Variants in KAT6B observed in about 807,000 individuals in gnomAD.
The protein encoded by KAT6B is histone acetyltransferase KAT6B.
KAT6B carries 10 observed loss-of-function variants against 187.5 expected under a neutral mutation model. The ratio of observed to expected loss-of-function variants is 0.05; its 90% CI spans 0.03 to 0.09. The LOEUF is 0.09. Ranked by LOEUF, KAT6B falls within the 10% of genes least tolerant of loss-of-function variation. KAT6B has a pLI of 1.00. For missense variants in KAT6B, 1,952 were observed against 2,558.9 expected (o/e 0.76, Z 5.12); for synonymous variants, 861 against 926.8 (o/e 0.93, Z 1.29).
At chr10:74,927,356 C>T (rs899961748) in intron 3 of KAT6B, among the ~76,000 whole-genome samples, 2 of 151,752 alleles carry the variant, frequency 1.3e-5, no homozygotes, top group East Asian at 1.9e-4. Flanking sequence ...AAGAACCTCT[C>T]GGGAGAGCCT....
intron 3 of KAT6B, among the ~76,000 whole-genome samples, chr10:74,895,333 A>G (rs1845913466): frequency 6.6e-6 from 1 of 151,168 alleles, no homozygotes; most frequent in Non-Finnish European, 1.5e-5. Flanking sequence ...CCCATTCATA[A>G]GTTGCCTTTT....
At chr10:74,947,346 A>G (rs1840022309) in intron 3 of KAT6B, among the ~76,000 whole-genome samples, 1 of 152,236 alleles carries the variant, frequency 6.6e-6, no homozygotes, top group African/African-American at 2.4e-5. Context: ...GAAGATGTGA[A>G]GGTTCTAAAT....
At chr10:74,980,194 T>A (rs1842421468) in intron 10 of KAT6B, among the ~76,000 whole-genome samples, 2 of 152,102 alleles carry the variant, frequency 1.3e-5, no homozygotes, top group Admixed American at 6.6e-5. Context: ...AATAATGGTA[T>A]CCAAGTTTTT....
chr10:74,915,167 G>A lies in KAT6B; in HGVS notation c.622-44803G>A, dbSNP rs528013882. Among the ~76,000 whole-genome samples the A allele has an allele frequency of 2.8e-4, 43 of 152,116 alleles. No homozygotes were observed. In the Middle Eastern group the frequency reaches 0.01, roughly 36 times the overall value. On this transcript the variant is annotated intron_variant, in intron 3 of 17. Coordinates refer to ENST00000287239, the MANE Select transcript of KAT6B (RefSeq NM_012330.4). ...AAAATATATGTTTCTTCATAGTGAT[G>A]ATAATCATAATGATACATTATTACT... is the stretch of plus-strand genomic sequence containing the variant.
intron 1 of KAT6B, among the ~76,000 whole-genome samples, chr10:74,827,758 G>A (rs936736840): frequency 6.6e-6 from 1 of 152,140 alleles, no homozygotes; most frequent in Non-Finnish European, 1.5e-5. Context: ...GGTGGACTGT[G>A]CCAGGGGTGA....
intron 3 of KAT6B, among the ~76,000 whole-genome samples, chr10:74,865,040 G>A (rs1843458349): frequency 6.6e-6 from 1 of 152,182 alleles, no homozygotes; most frequent in African/African-American, 2.4e-5. Context: ...CAGAAAGAAA[G>A]TGTCACACAA....
At chr10:74,848,033 C>G (rs551407867) in intron 3 of KAT6B, among the ~76,000 whole-genome samples, 1 of 151,816 alleles carries the variant, frequency 6.6e-6, no homozygotes, top group Non-Finnish European at 1.5e-5. Flanking sequence ...ACTCTTCTGC[C>G]TCAGCCTCCC....
intron 9 of KAT6B, 67 bp from the exon 10 acceptor site, chr10:74,979,157 T>G: frequency 9.2e-7 from 1 of 1,081,948 alleles, no homozygotes; most frequent in Non-Finnish European, 1.4e-6. Flanking sequence ...TGATAGTCAC[T>G]GGTGAAAGAA....
intron 1 of KAT6B, among the ~76,000 whole-genome samples, chr10:74,828,866 C>T (rs1840505371): frequency 6.6e-6 from 1 of 152,020 alleles, no homozygotes; most frequent in South Asian, 2.1e-4. Flanking sequence ...CGCGCCCGGC[C>T]ATTCATAAGT....
intron 3 of KAT6B, among the ~76,000 whole-genome samples, chr10:74,899,248 A>AATTATT (rs67324777): frequency 0.31 from 43,633 of 142,048 alleles, 7,882 homozygotes; most frequent in Non-Finnish European, 0.41. Context: ...ATTCTAAATG[A>AATTATT]ATTATTATTA....
chr10:75,004,785 T>C (rs1844089277), intron 13 of KAT6B, among the ~76,000 whole-genome samples: 1 of 152,136 alleles, frequency 6.6e-6, no homozygotes, highest in African/African-American at 2.4e-5. Flanking sequence ...CACTGCAGCA[T>C]TGAATTCCTG....
rs1381894692 is a variant in KAT6B at position 75,029,882 on chromosome 10, C to T, written c.5058C>T (p.Tyr1686=). ...TTENYENPSS[Y]DSTMGGSICG... is the part of the protein sequence containing the mutation. ...AGAACTACGAAAACCCAAGCAGCTA[C>T]GATTCTACTATGGGAGGCAGCATCT... Residue 1686 remains tyrosine (Y), a synonymous_variant, in exon 18 of 18, where the codon TAC becomes TAT. Coordinates refer to ENST00000287239, the MANE Select transcript of KAT6B (RefSeq NM_012330.4). This position sits in a 1 kb window ranked among gnomAD's most constrained non-coding sequence, Gnocchi z 6.2. 3.1e-6 allele frequency: 5 copies of T among 1,614,086 alleles called. No individual in the cohort carries two copies. Among genetic ancestry groups the T allele is most frequent in the Non-Finnish European group, 4.2e-6 (5 of 1,180,050 alleles).
At chr10:74,953,536 A>C (rs185099209) in intron 3 of KAT6B, among the ~76,000 whole-genome samples, 1 of 152,312 alleles carries the variant, frequency 6.6e-6, no homozygotes, top group Admixed American at 6.5e-5. Flanking sequence ...CTGTGGTGCA[A>C]ATATGAACAT....
At chr10:74,948,701 A>T (rs1325979099) in intron 3 of KAT6B, among the ~76,000 whole-genome samples, 3 of 152,260 alleles carry the variant, frequency 2.0e-5, no homozygotes, top group Non-Finnish European at 4.4e-5. Context: ...ACACAGCTCT[A>T]CTAAGTATCA....
At chr10:74,926,221 A>G (rs1848495603) in intron 3 of KAT6B, among the ~76,000 whole-genome samples, 1 of 152,248 alleles carries the variant, frequency 6.6e-6, no homozygotes, top group Non-Finnish European at 1.5e-5. Flanking sequence ...TGGGAAGCCG[A>G]GGCGGGCAGA....
At position 75,028,886 on chromosome 10, in the gene KAT6B, AGAGGAGGAGGAG is replaced by A; in HGVS notation, c.4068_4079del (p.Glu1365_Glu1368del). The A allele has an allele frequency of 6.2e-7, 1 of 1,609,652 alleles. No individual in the cohort carries two copies. Among genetic ancestry groups the A allele is most frequent in the East Asian group, 2.2e-5 (1 of 44,874 alleles). On this transcript the variant is annotated inframe_deletion, in exon 18 of 18. Transcript: ENST00000287239. ...ATCTCATCAAACCTGAGGAAGAGGA[AGAGGAGGAGGAG>A]GAGGAAGAGGAAGAAGAGGAAGAAG...
chr10:74,838,235 G>A (rs904129439), intron 1 of KAT6B, among the ~76,000 whole-genome samples: 1 of 152,196 alleles, frequency 6.6e-6, no homozygotes, highest in African/African-American at 2.4e-5. Flanking sequence ...GGTGCCTGGT[G>A]GCCTTTGGGA....
rs1842105212 is a variant in KAT6B, at chr10:74,975,648, C to G, written c.1311C>G (p.Gly437=). The G allele has an allele frequency of 2.5e-6, 4 of 1,614,018 alleles. No homozygotes were observed. In the African/African-American group the frequency reaches 5.3e-5, roughly 22 times the overall value. ...AGAAAACCAAAGGGCTCATTGATGG[C>G]CTTACTAAGTTTTTTACACCATCAC... ...VNKKTKGLID[G]LTKFFTPSPD... is the part of the protein sequence containing the mutation. The change falls in exon 8 of 18, where the codon GGC becomes GGG. Residue 437 remains glycine, a synonymous_variant. Transcript: ENST00000287239.
At chr10:74,850,105 A>T (rs1421454935) in intron 3 of KAT6B, among the ~76,000 whole-genome samples, 1 of 151,878 alleles carries the variant, frequency 6.6e-6, no homozygotes, top group Non-Finnish European at 1.5e-5. Context: ...CGCCCGGCTA[A>T]TTTTTTGTAT....
Sources: allele counts gnomAD v4.1 joint callset (sites outside exome capture counted in the v4.1 genomes callset), GRCh38; gene constraint gnomAD v4.1.1; non-coding constraint Gnocchi (gnomAD v3.1); transcripts MANE v1.5; gene names NCBI Gene and HGNC (gene_info 2026-07-23, HGNC 2026-07-21).